KIAA1217: variants seen among roughly 807,000 people sequenced by gnomAD.
The protein encoded by KIAA1217 is sickle tail protein homolog.
Under a neutral mutation model 163.9 loss-of-function variants are expected in KIAA1217, and 88 were observed. The observed-to-expected ratio is 0.54, with a 90% CI of 0.45 to 0.64. KIAA1217 has a LOEUF of 0.64. KIAA1217 is among the 30% of genes least tolerant of loss of function. The pLI, the probability that KIAA1217 is intolerant of heterozygous loss-of-function variation, is 0.00. For synonymous variants in KIAA1217, 903 were observed against 923.1 expected, an observed-to-expected ratio of 0.98 and a Z score of 0.39; for missense variants, 2,372 against 2,475.0, an observed-to-expected ratio of 0.96 and a Z score of 0.88.
chr10:23,832,408 T>C (rs1838250488), intron 1 of KIAA1217, among the ~76,000 whole-genome samples: 1 of 152,152 alleles, frequency 6.6e-6, no homozygotes, highest in Non-Finnish European at 1.5e-5. Flanking sequence ...CCAGGAAGCT[T>C]TCTGAGCCCT....
chr10:24,354,264 C>A (rs903045654), intron 2 of KIAA1217, among the ~76,000 whole-genome samples: 1 of 152,216 alleles, frequency 6.6e-6, no homozygotes, highest in African/African-American at 2.4e-5. Context: ...CCGGACCCCC[C>A]TCACAGGACG....
chr10:23,703,100 C>T (rs1050887035), intron 1 of KIAA1217, among the ~76,000 whole-genome samples: 1 of 152,230 alleles, frequency 6.6e-6, no homozygotes, highest in African/African-American at 2.4e-5. Context: ...CCCTCCATGC[C>T]CTGGTTAATG....
chr10:24,396,057 C>T (rs1564608012), intron 3 of KIAA1217, among the ~76,000 whole-genome samples: 2 of 152,186 alleles, frequency 1.3e-5, no homozygotes, highest in African/African-American at 4.8e-5. Context: ...TGCTTACCGG[C>T]CAGGCGTGGT....
chr10:23,787,150 C>T (rs1438570044), intron 1 of KIAA1217, among the ~76,000 whole-genome samples: 1 of 152,008 alleles, frequency 6.6e-6, no homozygotes, highest in African/African-American at 2.4e-5. Flanking sequence ...AAACAATTTC[C>T]TCCTCTTTAT....
intron 1 of KIAA1217, among the ~76,000 whole-genome samples, chr10:23,933,257 A>G (rs1267184119): frequency 6.6e-6 from 1 of 152,182 alleles, no homozygotes; most frequent in Non-Finnish European, 1.5e-5. Context: ...GTTTCAGACC[A>G]AATAATATTT....
chr10:23,699,041 G>A (rs1244883591), intron 1 of KIAA1217, among the ~76,000 whole-genome samples: 1 of 152,108 alleles, frequency 6.6e-6, no homozygotes, highest in East Asian at 1.9e-4. Context: ...TGCTATCCTT[G>A]AATTTGTCTT....
intron 1 of KIAA1217, among the ~76,000 whole-genome samples, chr10:23,722,107 T>G (rs369959579): frequency 1.3e-5 from 2 of 152,288 alleles, no homozygotes; most frequent in East Asian, 3.9e-4. Flanking sequence ...ACAAATACTG[T>G]ATGAATCCAA....
intron 2 of KIAA1217, among the ~76,000 whole-genome samples, chr10:24,306,287 A>G (rs962663462): frequency 3.3e-5 from 5 of 152,168 alleles, no homozygotes; most frequent in Non-Finnish European, 7.4e-5. Context: ...TTCCCAAATC[A>G]CCAATAATTC....
At chr10:23,848,879 C>G (rs1022104177) in intron 1 of KIAA1217, among the ~76,000 whole-genome samples, 1 of 152,066 alleles carries the variant, frequency 6.6e-6, no homozygotes, top group Admixed American at 6.6e-5. Flanking sequence ...CACTATTTAC[C>G]TCATCCTCAC....
At chr10:24,312,985 C>T (rs545689337) in intron 2 of KIAA1217, among the ~76,000 whole-genome samples, 19 of 152,154 alleles carry the variant, frequency 1.2e-4, no homozygotes, top group Non-Finnish European at 2.6e-4. Context: ...ACATAGGACT[C>T]AATGAGCAAT....
chr10:23,794,592 A>G (rs1354268009), intron 1 of KIAA1217, among the ~76,000 whole-genome samples: 1 of 152,234 alleles, frequency 6.6e-6, no homozygotes, highest in African/African-American at 2.4e-5. Flanking sequence ...ATCATTTCAT[A>G]GATAATTCAA....
intron 1 of KIAA1217, among the ~76,000 whole-genome samples, chr10:23,820,659 C>G (rs1837575260): frequency 6.6e-6 from 1 of 152,146 alleles, no homozygotes; most frequent in Non-Finnish European, 1.5e-5. Context: ...GCAAAGACAT[C>G]AGGCTGTGGA....
rs79392978 is a variant in KIAA1217 at position 23,750,111 on chromosome 10, G to A, written c.-321+54877G>A. Among the ~76,000 whole-genome samples the A allele has an allele frequency of 7.1e-3, 1,072 of 151,816 alleles. 19 individuals carry two copies. The highest frequency in any genetic ancestry group is 0.025 in the African/African-American group (1,027 of 41,364). ...CTGGCCATCATCATCTACTACCTAGGCCATTGCAGTCCTTTCTTAAACTGC... is the reference window on the plus strand; with the variant it reads ...CTGGCCATCATCATCTACTACCTAGACCATTGCAGTCCTTTCTTAAACTGC... On this transcript the variant is annotated intron_variant, in intron 1 of 18. Coordinates refer to the KIAA1217 transcript ENST00000376462.
chr10:23,934,589 A>ATATATATATG (rs1439337986), intron 1 of KIAA1217, among the ~76,000 whole-genome samples: 1 of 56,844 alleles, frequency 1.8e-5, no homozygotes, highest in African/African-American at 1.7e-4. Context: ...ATATATATAT[A>ATATATATATG]TGTATATATA....
chr10:24,326,812 A>C (rs1279784842), intron 2 of KIAA1217, among the ~76,000 whole-genome samples: 2 of 152,156 alleles, frequency 1.3e-5, no homozygotes, highest in Admixed American at 1.3e-4. Context: ...AAACCCTTAC[A>C]TATAGGAAAG....
chr10:24,012,906 A>G (rs899203703), intron 2 of KIAA1217, among the ~76,000 whole-genome samples: 30 of 152,196 alleles, frequency 2.0e-4, no homozygotes, highest in Admixed American at 1.3e-4. Context: ...ATCCTAACGC[A>G]TAACATTTTT....
At chr10:24,476,384 T>TAA (rs1435350328) in intron 6 of KIAA1217, among the ~76,000 whole-genome samples, 1 of 152,184 alleles carries the variant, frequency 6.6e-6, no homozygotes, top group Non-Finnish European at 1.5e-5. Context: ...CTATGGGTAT[T>TAA]CTTTGAGAGC....
intron 2 of KIAA1217, among the ~76,000 whole-genome samples, chr10:24,165,076 C>T (rs147360493): frequency 4.7e-4 from 72 of 152,146 alleles, no homozygotes; most frequent in African/African-American, 9.6e-4. Flanking sequence ...TGGGGAAAAG[C>T]GAATAAGAGA....
At chr10:24,457,005 T>G (rs1367464786) in intron 5 of KIAA1217, among the ~76,000 whole-genome samples, 1 of 151,166 alleles carries the variant, frequency 6.6e-6, no homozygotes, top group African/African-American at 2.4e-5. Flanking sequence ...CCCGGCCAAT[T>G]AAACCCTTTT....
Sources: gnomAD v4.1 joint callset for allele counts (sites outside exome capture counted in the v4.1 genomes callset) on GRCh38, gnomAD v4.1.1 for gene constraint, MANE v1.5 for transcripts, NCBI Gene and HGNC (gene_info 2026-07-23, HGNC 2026-07-21) for gene names.